PCDH9: variants seen among roughly 807,000 people sequenced by gnomAD.
PCDH9 encodes the protein protocadherin 9.
Under a neutral mutation model 70.6 loss-of-function variants are expected in PCDH9, and 24 were observed. The observed-to-expected ratio is 0.34, with a 90% CI of 0.25 to 0.48. The LOEUF (loss-of-function observed/expected upper bound fraction) is 0.48. Ranked by LOEUF, PCDH9 falls within the 20% of genes least tolerant of loss-of-function variation. The pLI, the probability that PCDH9 is intolerant of heterozygous loss-of-function variation, is 0.99. For synonymous variants in PCDH9, 562 were observed against 558.5 expected (o/e 1.01, Z -0.09); for missense variants, 1,281 against 1,503.6 (o/e 0.85, Z 2.45).
chr13:66,931,931 C>G (rs962304934), intron 2 of PCDH9, among the ~76,000 whole-genome samples: 1 of 151,934 alleles, frequency 6.6e-6, no homozygotes, highest in Non-Finnish European at 1.5e-5. Context: ...GAGTAAGGTA[C>G]TAGAGTGCAT....
chr13:66,419,254 A>C (rs1251213351), intron 4 of PCDH9, among the ~76,000 whole-genome samples: 1 of 152,092 alleles, frequency 6.6e-6, no homozygotes, highest in Non-Finnish European at 1.5e-5. Flanking sequence ...AAAAACAGAA[A>C]ATTTCAGGCC....
intron 3 of PCDH9, among the ~76,000 whole-genome samples, chr13:66,800,069 T>G (rs1293930606): frequency 1.3e-5 from 2 of 152,142 alleles, no homozygotes; most frequent in Non-Finnish European, 2.9e-5. Context: ...GCTTCCTTCC[T>G]CAAAATTCTC....
At chr13:66,787,965 T>G (rs1338517014) in intron 3 of PCDH9, among the ~76,000 whole-genome samples, 1 of 152,122 alleles carries the variant, frequency 6.6e-6, no homozygotes, top group Non-Finnish European at 1.5e-5. Context: ...GTACCCTCAT[T>G]TTGGTTCATG....
At chr13:66,762,837 C>CAA (rs1183519367) in intron 3 of PCDH9, among the ~76,000 whole-genome samples, 1 of 151,598 alleles carries the variant, frequency 6.6e-6, no homozygotes, top group East Asian at 1.9e-4. Flanking sequence ...TGTGAATATC[C>CAA]AAATTCATTA....
intron 2 of PCDH9, among the ~76,000 whole-genome samples, chr13:66,960,814 T>C (rs2083333772): frequency 6.6e-6 from 1 of 152,182 alleles, no homozygotes. Context: ...ATCAGCTTAC[T>C]AAAGTGTAAA....
At chr13:67,057,978 T>C (rs916782944) in intron 2 of PCDH9, among the ~76,000 whole-genome samples, 2 of 152,180 alleles carry the variant, frequency 1.3e-5, no homozygotes, top group African/African-American at 4.8e-5. Context: ...AAATTAAATT[T>C]TTCTTACACA....
chr13:67,228,166 A>G lies in PCDH9; in HGVS notation c.275T>C (p.Ile92Thr). 6.2e-7 allele frequency: 1 copy of G among 1,613,974 alleles called. No individual in the cohort carries two copies. The highest frequency in any genetic ancestry group is 8.5e-7 in the Non-Finnish European group (1 of 1,179,994). ...GCCAGCACAGAGTTTTTCTCTGTCT[A>G]TTCTGTTGGAGGTTGTGAAAATTTC... Reference protein sequence around the residue: ...TGEIFTTSNRIDREKLCAGAS... With the variant: ...TGEIFTTSNRTDREKLCAGAS... Residue 92 changes from isoleucine to threonine, a missense_variant, in exon 2 of 5, where the codon ATA becomes ACA. Transcript: ENST00000377865.
At chr13:66,549,943 A>G (rs190934553) in intron 4 of PCDH9, among the ~76,000 whole-genome samples, 20 of 152,272 alleles carry the variant, frequency 1.3e-4, no homozygotes, top group African/African-American at 4.8e-4. Flanking sequence ...TTTTCTTAAG[A>G]TTCTTGAATA....
intron 4 of PCDH9, among the ~76,000 whole-genome samples, chr13:66,325,766 T>G (rs1421853701): frequency 6.6e-6 from 1 of 150,912 alleles, no homozygotes; most frequent in Non-Finnish European, 1.5e-5. Flanking sequence ...AGCTAAGGCT[T>G]CTGGTTGCTA....
chr13:67,032,914 A>T (rs1193466548), intron 2 of PCDH9, among the ~76,000 whole-genome samples: 1 of 152,138 alleles, frequency 6.6e-6, no homozygotes, highest in Admixed American at 6.5e-5. Context: ...AGTTTGCAAA[A>T]TCTGAGATAC....
intron 3 of PCDH9, among the ~76,000 whole-genome samples, chr13:66,888,800 A>C (rs1371382727): frequency 1.3e-5 from 2 of 152,192 alleles, no homozygotes; most frequent in East Asian, 3.9e-4. Context: ...CTACAAAGAA[A>C]TGCACTGCAC....
intron 2 of PCDH9, among the ~76,000 whole-genome samples, chr13:67,088,987 C>G (rs1206978313): frequency 6.6e-6 from 1 of 151,970 alleles, no homozygotes; most frequent in Non-Finnish European, 1.5e-5. Flanking sequence ...AGCATATAAA[C>G]AAGCATACTC....
At chr13:66,492,892 G>A (rs964942652) in intron 4 of PCDH9, among the ~76,000 whole-genome samples, 6 of 152,114 alleles carry the variant, frequency 3.9e-5, no homozygotes, top group Non-Finnish European at 8.8e-5. Context: ...CAAAGAAAAG[G>A]TGAGCAAGCT....
chr13:66,347,866 T>A (rs1040289192), intron 4 of PCDH9, among the ~76,000 whole-genome samples: 4 of 152,190 alleles, frequency 2.6e-5, no homozygotes, highest in Admixed American at 1.3e-4. Context: ...GGAGTTGACA[T>A]GCTCTTCTAC....
At chr13:66,987,851 A>T (rs2083926144) in intron 2 of PCDH9, among the ~76,000 whole-genome samples, 1 of 151,942 alleles carries the variant, frequency 6.6e-6, no homozygotes, top group African/African-American at 2.4e-5. Flanking sequence ...ACCATAAATA[A>T]CTATTCAAAA....
intron 2 of PCDH9, among the ~76,000 whole-genome samples, chr13:66,924,340 T>C (rs967304793): frequency 1.3e-5 from 2 of 151,850 alleles, no homozygotes; most frequent in African/African-American, 4.8e-5. Flanking sequence ...ATATTCCTAT[T>C]TTAAAGTATT....
chr13:66,412,955 A>G lies in PCDH9; in HGVS notation c.3341-107927T>C, dbSNP rs138233012. On this transcript the variant is annotated intron_variant, in intron 4 of 4. Coordinates refer to ENST00000377865, the MANE Select transcript of PCDH9 (RefSeq NM_203487.3). ...AATATGTTCATTATTTGCCGCTCCT[A>G]TATATGAATAGATATTTTCAGTGGG... Among the ~76,000 whole-genome samples, 145 of 152,328 alleles carry G rather than the reference A, an allele frequency of 9.5e-4. 1 individual carries two copies. The highest frequency in any genetic ancestry group is 3.3e-3 in the Admixed American group (50 of 15,298).
intron 2 of PCDH9, among the ~76,000 whole-genome samples, chr13:67,095,616 T>G (rs557927336): frequency 3.0e-4 from 45 of 152,138 alleles, no homozygotes; most frequent in Non-Finnish European, 4.0e-4. Context: ...TGACTTTGGA[T>G]GTATTATTAG....
intron 2 of PCDH9, among the ~76,000 whole-genome samples, chr13:67,085,485 C>T (rs1164461402): frequency 6.6e-6 from 1 of 152,118 alleles, no homozygotes; most frequent in Admixed American, 6.5e-5. Flanking sequence ...AAAATGAATT[C>T]ATTTTCATCA....
Sources: gnomAD v4.1 joint callset for allele counts (sites outside exome capture counted in the v4.1 genomes callset) on GRCh38, gnomAD v4.1.1 for gene constraint, MANE v1.5 for transcripts, NCBI Gene and HGNC (gene_info 2026-07-23, HGNC 2026-07-21) for gene names.